KIF27: variants seen among roughly 807,000 people sequenced by gnomAD.
KIF27 encodes the protein kinesin-like protein KIF27.
KIF27 carries 84 observed loss-of-function variants against 141.8 expected under a neutral mutation model. That is an observed-to-expected ratio of 0.59 (90% CI 0.50 to 0.71). KIF27 has a LOEUF of 0.71. KIF27 is among the 30% of genes least tolerant of loss of function. KIF27 has a pLI of 0.00. For synonymous variants in KIF27, 471 were observed against 569.5 expected (o/e 0.83, Z 2.46); for missense variants, 1,306 against 1,628.4 (o/e 0.80, Z 3.41).
At chr9:83,843,455 A>G (rs949134308) in intron 16 of KIF27, among the ~76,000 whole-genome samples, 23 of 152,110 alleles carry the variant, frequency 1.5e-4, no homozygotes, top group Admixed American at 5.9e-4. Context: ...CCCTACTGGC[A>G]TATTTATAAA....
chr9:83,857,395 T>C (rs1345013250), intron 14 of KIF27, among the ~76,000 whole-genome samples: 1 of 152,094 alleles, frequency 6.6e-6, no homozygotes, highest in Non-Finnish European at 1.5e-5. Flanking sequence ...AGAGCCTCAC[T>C]TGAGAGGTAC....
chr9:83,865,364 C>T (rs1480935686), intron 13 of KIF27, among the ~76,000 whole-genome samples: 1 of 152,072 alleles, frequency 6.6e-6, no homozygotes, highest in East Asian at 1.9e-4. Flanking sequence ...ATGGCATGGT[C>T]TCGGCTCACT....
intron 2 of KIF27, among the ~76,000 whole-genome samples, chr9:83,913,478 C>T (rs564719222): frequency 7.0e-4 from 107 of 151,990 alleles, no homozygotes; most frequent in African/African-American, 2.3e-3. Flanking sequence ...TGGTCTGTTG[C>T]CCAGGCTGGA....
At chr9:83,870,065 G>C (rs966153652) in intron 12 of KIF27, among the ~76,000 whole-genome samples, 2 of 152,100 alleles carry the variant, frequency 1.3e-5, no homozygotes, top group African/African-American at 4.8e-5. Flanking sequence ...ACAAATACTA[G>C]AAATTTTGCA....
At chr9:83,889,845 G>A (rs1207010127) in intron 6 of KIF27, among the ~76,000 whole-genome samples, 3 of 152,138 alleles carry the variant, frequency 2.0e-5, no homozygotes, top group Non-Finnish European at 4.4e-5. Flanking sequence ...AAATAAAATC[G>A]TATGGCTAGC....
intron 16 of KIF27, chr9:83,847,464 A>C (rs553334914): frequency 6.6e-6 from 1 of 152,250 alleles, no homozygotes; most frequent in South Asian, 2.1e-4. Flanking sequence ...TAGTTGTATT[A>C]TGTGAGGTGT....
intron 11 of KIF27, among the ~76,000 whole-genome samples, chr9:83,873,979 G>A (rs1222335523): frequency 6.6e-6 from 1 of 151,764 alleles, no homozygotes; most frequent in African/African-American, 2.4e-5. Flanking sequence ...ATGAACCCGG[G>A]AGGCGGAGCT....
At position 83,903,655 on chromosome 9, in the gene KIF27, C is replaced by T. The variant is rs1439310727; in HGVS notation, c.863G>A (p.Ser288Asn). ...ISALGDPRRKSSHIPYRDAKI... is the reference protein window; with the variant it reads ...ISALGDPRRKNSHIPYRDAKI... The stretch of plus-strand genomic sequence containing the variant: ...AGCATCCCTATATGGAATATGTGAA[C>T]TCTTCCTGCGTGGGTCCCCAAGAGC... The change falls in exon 4 of 18, where the codon AGT becomes AAT. Residue 288 changes from serine to asparagine, a missense_variant. Physicochemically the swap from Ser to Asn is conservative, Grantham distance 46 (BLOSUM62 1). Around this residue, in one of 4 missense-constraint regions of KIF27, gnomAD observed 533 missense variants for 565.6 expected, o/e 0.94. Coordinates refer to ENST00000297814, the MANE Select transcript of KIF27 (RefSeq NM_017576.4). 5 of 1,614,012 alleles carry T rather than the reference C, an allele frequency of 3.1e-6. No homozygotes were observed. In the African/African-American group the frequency reaches 6.7e-5, roughly 22 times the overall value.
chr9:83,883,847 C>T lies in KIF27; in HGVS notation c.2411G>A (p.Arg804His), dbSNP rs371848145. Residue 804 changes from arginine (R) to histidine (H), a missense_variant, in exon 10 of 18, where the codon CGT becomes CAT. This residue lies in a region of KIF27 where 596 missense variants were observed against 751.6 expected (regional missense o/e 0.79). Transcript: ENST00000297814. ...CAGCTTTGCAGCATCCATCTTTTTA[C>T]GAAACTCTTTCTGTAATTTTACCTT... ...AMKVKLQKEF[R>H]KKMDAAKLRV... 101 of 1,612,780 alleles carry T rather than the reference C, an allele frequency of 6.3e-5. No homozygotes were observed. The highest frequency in any genetic ancestry group is 2.3e-4 in the Admixed American group (14 of 59,954).
At chr9:83,881,253 G>C (rs1397360654) in intron 10 of KIF27, among the ~76,000 whole-genome samples, 2 of 152,044 alleles carry the variant, frequency 1.3e-5, no homozygotes, top group Non-Finnish European at 2.9e-5. Flanking sequence ...TAAAATACTT[G>C]TGTTACAATT....
At chr9:83,884,474 A>G (rs1951927502) in intron 9 of KIF27, among the ~76,000 whole-genome samples, 1 of 152,220 alleles carries the variant, frequency 6.6e-6, no homozygotes, top group East Asian at 1.9e-4. Context: ...ATGAACCGCC[A>G]TCACCCAGAT....
chr9:83,837,542 T>C, intron 17 of KIF27, 57 bp from the exon 18 acceptor site: 1 of 1,502,748 alleles, frequency 6.7e-7, no homozygotes, highest in Non-Finnish European at 8.9e-7. Flanking sequence ...ATTAGGTATT[T>C]TAATCAAAAC....
intron 2 of KIF27, among the ~76,000 whole-genome samples, chr9:83,913,181 C>CA (rs1256762827): frequency 6.6e-6 from 1 of 151,602 alleles, no homozygotes; most frequent in Non-Finnish European, 1.5e-5. Flanking sequence ...AAATCAAAAA[C>CA]AAAAAACAAA....
At position 83,870,544 on chromosome 9, in the gene KIF27, G is replaced by A; in HGVS notation, c.2732C>T (p.Ser911Leu). 5.0e-6 allele frequency: 8 copies of A among 1,613,734 alleles called. No homozygotes were observed. Among genetic ancestry groups the A allele is most frequent in the Middle Eastern group, 1.7e-4 (1 of 6,054 alleles). ...CTGGAGATGGTCTATACTTCCAAACGAACCTTTTCTCCTTTTCAAGTTACA... is the reference window on the plus strand; with the variant it reads ...CTGGAGATGGTCTATACTTCCAAACAAACCTTTTCTCCTTTTCAAGTTACA... Reference protein sequence around the residue: ...DACNLKRRKGSFGSIDHLQKL... With the variant: ...DACNLKRRKGLFGSIDHLQKL... Residue 911 changes from serine to leucine, a missense_variant, in exon 12 of 18, where the codon TCG becomes TTG. Coordinates refer to ENST00000297814, the MANE Select transcript of KIF27 (RefSeq NM_017576.4).
intron 4 of KIF27, among the ~76,000 whole-genome samples, chr9:83,900,428 A>G (rs1224216316): frequency 7.2e-6 from 1 of 137,938 alleles, no homozygotes; most frequent in African/African-American, 2.6e-5. Flanking sequence ...AATCTCACTA[A>G]ATAAGATGTT....
At chr9:83,876,166 G>C (rs577526678) in intron 11 of KIF27, among the ~76,000 whole-genome samples, 1 of 151,764 alleles carries the variant, frequency 6.6e-6, no homozygotes, top group Non-Finnish European at 1.5e-5. Context: ...TTTAAATATG[G>C]GAGTTCCTCA....
chr9:83,862,885 C>T lies in KIF27; in HGVS notation c.2935-3514G>A, dbSNP rs1171348103. Among the ~76,000 whole-genome samples, 3 of 152,084 alleles carry T rather than the reference C, an allele frequency of 2.0e-5. No individual in the cohort carries two copies. In the East Asian group the frequency reaches 5.8e-4, roughly 29 times the overall value. On this transcript the variant is annotated intron_variant, in intron 13 of 17. Transcript: ENST00000297814. ...GTTTGTAGTTCTCCTTGAAGAGATC[C>T]TTCACATCCCTGGTAAGTTGGATTC...
chr9:83,894,092 AT>A (rs1391983402), intron 5 of KIF27, among the ~76,000 whole-genome samples: 1 of 152,230 alleles, frequency 6.6e-6, no homozygotes, highest in African/African-American at 2.4e-5. Context: ...GAAAATACTA[AT>A]ATGATTTAAT....
At position 83,859,165 on chromosome 9, in the gene KIF27, T is replaced by C; in HGVS notation, c.3141A>G (p.Leu1047=). The C allele has an allele frequency of 3.1e-6, 5 of 1,610,870 alleles. No homozygotes were observed. Among genetic ancestry groups the C allele is most frequent in the Non-Finnish European group, 4.2e-6 (5 of 1,176,950 alleles). Residue 1047 remains leucine (L), a synonymous_variant, in exon 14 of 18, where the codon TTA becomes TTG. Coordinates refer to ENST00000297814, the MANE Select transcript of KIF27 (RefSeq NM_017576.4). ...VDEKLKNGRV[L]SPEEEHVLFQ... Reference sequence around the variant, plus strand: ...AAGAATACTGACTTACTTCAGGTGATAACACTCTACCATTTTTAAGTTTTT... The same window carrying C: ...AAGAATACTGACTTACTTCAGGTGACAACACTCTACCATTTTTAAGTTTTT...
Sources: gnomAD v4.1 joint callset for allele counts (sites outside exome capture counted in the v4.1 genomes callset) on GRCh38, gnomAD v4.1.1 for gene constraint, gnomAD v4.1.1 regional missense constraint, MANE v1.5 for transcripts, NCBI Gene and HGNC (gene_info 2026-07-23, HGNC 2026-07-21) for gene names.